The following DGKI variants were observed in gnomAD, a reference collection of about 807,000 sequenced individuals.
DGKI encodes the protein DAG kinase iota.
DGKI carries 55 observed loss-of-function variants against 147.5 expected under a neutral mutation model. The observed-to-expected ratio is 0.37, with a 90% confidence interval of 0.30 to 0.47. The LOEUF (loss-of-function observed/expected upper bound fraction) is 0.47. DGKI is among the 20% of genes least tolerant of loss of function. The pLI, the probability that DGKI is intolerant of heterozygous loss-of-function variation, is 1.00. For missense variants in DGKI, 1,007 were observed against 1,323.8 expected (o/e 0.76, Z 3.71); for synonymous variants, 469 against 477.1 (o/e 0.98, Z 0.22).
chr7:137,589,885 G>A (rs1313046453), intron 12 of DGKI, among the ~76,000 whole-genome samples: 1 of 152,050 alleles, frequency 6.6e-6, no homozygotes, highest in African/African-American at 2.4e-5. Flanking sequence ...AAGTCAGCCC[G>A]TTTTCTTTCA....
At chr7:137,431,778 C>A (rs1813081502) in intron 28 of DGKI, among the ~76,000 whole-genome samples, 1 of 152,204 alleles carries the variant, frequency 6.6e-6, no homozygotes, top group South Asian at 2.1e-4. Context: ...TCAGCCTGCT[C>A]CAGGGGGAAA....
At chr7:137,673,046 T>C (rs1822908401) in intron 3 of DGKI, among the ~76,000 whole-genome samples, 4 of 152,026 alleles carry the variant, frequency 2.6e-5, no homozygotes, top group Admixed American at 2.6e-4. Flanking sequence ...CCTCCCAAAG[T>C]GCTGGGATTA....
intron 8 of DGKI, among the ~76,000 whole-genome samples, chr7:137,617,124 CAAAAAAAA>C (rs60654879): frequency 1.4e-3 from 65 of 48,138 alleles, no homozygotes; most frequent in African/African-American, 2.3e-3. Context: ...TCCCTTTTAC[CAAAAAAAA>C]AAAAAAAAAA....
chr7:137,802,499 T>C (rs1005599861), intron 1 of DGKI, among the ~76,000 whole-genome samples: 15 of 152,356 alleles, frequency 9.8e-5, no homozygotes, highest in African/African-American at 3.4e-4. Context: ...CAAATCATAA[T>C]AATCCTCTAT....
intron 1 of DGKI, among the ~76,000 whole-genome samples, chr7:137,700,133 C>T (rs912793542): frequency 3.3e-5 from 5 of 152,174 alleles, no homozygotes; most frequent in African/African-American, 1.2e-4. Flanking sequence ...CAGAGCACAC[C>T]TATGTGTTGA....
At chr7:137,483,863 T>A (rs988628392) in intron 23 of DGKI, among the ~76,000 whole-genome samples, 7 of 152,146 alleles carry the variant, frequency 4.6e-5, no homozygotes, top group Non-Finnish European at 8.8e-5. Flanking sequence ...GCATTTGGGT[T>A]GATTCCATGT....
chr7:137,714,400 C>T (rs898390785), intron 1 of DGKI, among the ~76,000 whole-genome samples: 1 of 152,120 alleles, frequency 6.6e-6, no homozygotes, highest in African/African-American at 2.4e-5. Context: ...CCCATCATTG[C>T]TACTTTTTTA....
At chr7:137,399,285 T>C (rs889201951) in intron 30 of DGKI, among the ~76,000 whole-genome samples, 3 of 152,298 alleles carry the variant, frequency 2.0e-5, no homozygotes, top group Non-Finnish European at 4.4e-5. Context: ...TTGTTGAATA[T>C]AAGAACACCT....
intron 30 of DGKI, among the ~76,000 whole-genome samples, chr7:137,406,930 C>CAAAAAAAAAAAAAAAAAAA (rs3046570): frequency 1.1e-5 from 1 of 92,544 alleles, no homozygotes; most frequent in Non-Finnish European, 2.0e-5. Flanking sequence ...TGCTGAATTG[C>CAAAAAAAAAAAAAAAAAAA]AAAAAAAAAA....
At chr7:137,778,504 G>T (rs1796428668) in intron 1 of DGKI, among the ~76,000 whole-genome samples, 1 of 152,082 alleles carries the variant, frequency 6.6e-6, no homozygotes, top group Non-Finnish European at 1.5e-5. Flanking sequence ...GATGAAAGAG[G>T]AGGCAAGAAG....
At chr7:137,827,061 G>T (rs1358472191) in intron 1 of DGKI, among the ~76,000 whole-genome samples, 1 of 152,062 alleles carries the variant, frequency 6.6e-6, no homozygotes, top group East Asian at 1.9e-4. Flanking sequence ...ACAGAACAGG[G>T]GTCCCCCTTC....
intron 14 of DGKI, 51 bp downstream of exon 14, chr7:137,585,158 C>T (rs772255344): frequency 7.5e-6 from 12 of 1,604,610 alleles, no homozygotes; most frequent in Middle Eastern, 1.7e-4. Flanking sequence ...TTTCCTGTAG[C>T]TCAGGCAGAT....
intron 1 of DGKI, among the ~76,000 whole-genome samples, chr7:137,691,809 T>TTTTTTTTTTTTTTTTTTTTTTTTTTTTG (rs1290595066): frequency 7.1e-6 from 1 of 141,012 alleles, no homozygotes; most frequent in African/African-American, 2.8e-5. Flanking sequence ...TTTTTTTTTT[T>TTTTTTTTTTTTTTTTTTTTTTTTTTTTG]TTTTTTTTTT....
chr7:137,655,840 A>C (rs1236318309), intron 4 of DGKI, among the ~76,000 whole-genome samples: 1 of 152,208 alleles, frequency 6.6e-6, no homozygotes, highest in Non-Finnish European at 1.5e-5. Context: ...GGAAGTGTGA[A>C]AGGAAAGAGG....
rs748895730 is a variant in DGKI at position 137,638,563 on chromosome 7, TACAC to T, written c.804+6905_804+6908del. Among the ~76,000 whole-genome samples, 191 of 82,898 alleles carry T rather than the reference TACAC, an allele frequency of 2.3e-3. 5 individuals are homozygous for T. Among genetic ancestry groups the T allele is most frequent in the African/African-American group, 5.7e-3 (136 of 23,882 alleles). The allele number at this position is 82,898 out of a possible 152,430, so 54.4% of individuals were successfully genotyped here. On this transcript the variant is annotated intron_variant, in intron 6 of 32. Coordinates refer to ENST00000614521, the MANE Select transcript of DGKI (RefSeq NM_001321708.2). Reference sequence around the variant, plus strand: ...ATGTATATATATGTGTGTATATATATACACACATATATGTATATATACACATATA... The same window carrying T: ...ATGTATATATATGTGTGTATATATATACATATATGTATATATACACATATA...
chr7:137,711,945 G>A (rs187663900), intron 1 of DGKI, among the ~76,000 whole-genome samples: 2 of 151,914 alleles, frequency 1.3e-5, no homozygotes, highest in Admixed American at 1.3e-4. Flanking sequence ...GCCCACCTCT[G>A]CCTCCCAAAG....
chr7:137,669,766 AGAGT>A (rs1216908085), intron 3 of DGKI, among the ~76,000 whole-genome samples: 4 of 152,250 alleles, frequency 2.6e-5, no homozygotes, highest in Admixed American at 6.5e-5. Context: ...AAAGCTCTAG[AGAGT>A]GAGTAAGCCT....
At chr7:137,764,985 G>A (rs1321169902) in intron 1 of DGKI, among the ~76,000 whole-genome samples, 2 of 152,168 alleles carry the variant, frequency 1.3e-5, no homozygotes, top group Non-Finnish European at 2.9e-5. Flanking sequence ...ATAAGGAGAA[G>A]ACAGTTTTCT....
chr7:137,719,261 C>G (rs1015518200), intron 1 of DGKI, among the ~76,000 whole-genome samples: 5 of 152,076 alleles, frequency 3.3e-5, no homozygotes, highest in African/African-American at 1.2e-4. Flanking sequence ...CAAGTCCCCT[C>G]CACAGCAGGA....
Sources: gnomAD v4.1 joint callset for allele counts (sites outside exome capture counted in the v4.1 genomes callset) on GRCh38, gnomAD v4.1.1 for gene constraint, MANE v1.5 for transcripts, NCBI Gene and HGNC (gene_info 2026-07-23, HGNC 2026-07-21) for gene names.